The following GSE1 variants were observed in gnomAD, a reference collection of about 807,000 sequenced individuals.
GSE1 encodes the protein Gse1 coiled-coil protein.
GSE1 carries 32 observed loss-of-function variants against 112.6 expected under a neutral mutation model. The ratio of observed to expected loss-of-function variants is 0.28; its 90% CI spans 0.21 to 0.38. GSE1 has a LOEUF of 0.38. Among genes scored for constraint, GSE1 ranks in the 10% least tolerant of loss-of-function variants. The probability of loss-of-function intolerance (pLI) is 1.00; values close to 1 mark genes in which losing one functional copy is unlikely to be tolerated. For missense variants in GSE1, 2,348 were observed against 1,699.2 expected, an observed-to-expected ratio of 1.38 and a Z score of -6.71; for synonymous variants, 1,115 against 735.6, an observed-to-expected ratio of 1.52 and a Z score of -8.35.
At chr16:85,215,521 C>CA (rs1306485260) in intron 1 of GSE1, among the ~76,000 whole-genome samples, 1 of 152,028 alleles carries the variant, frequency 6.6e-6, no homozygotes, top group East Asian at 1.9e-4. Context: ...ATTCATGCAA[C>CA]AAAAAACCAT....
chr16:85,547,331 T>C (rs112854191), intron 2 of GSE1, among the ~76,000 whole-genome samples: 2 of 152,138 alleles, frequency 1.3e-5, no homozygotes, highest in African/African-American at 2.4e-5. Flanking sequence ...CTGAAATCCA[T>C]GTGTCAGCGG....
In GSE1 at chr16:85,323,408, G is replaced by A. The variant is rs141615976; in HGVS notation, c.2284-34055G>A. On this transcript the variant is annotated intron_variant, in intron 1 of 2. Transcript: ENST00000637419. ...AGCGGCACTGGCGGACCAGGCCTTG[G>A]GAGTTAGAGTCTCAGGAGGCTGCCA... 2.2e-3 allele frequency among the ~76,000 whole-genome samples: 337 copies of A among 152,244 alleles called. 1 individual carries two copies. Among genetic ancestry groups the A allele is most frequent in the African/African-American group, 7.6e-3 (315 of 41,552 alleles).
rs118174651 is a variant in GSE1, at chr16:85,220,494, C to T, written c.2283+48687C>T. Among the ~76,000 whole-genome samples the T allele has an allele frequency of 9.1e-3, 1,390 of 152,330 alleles. 10 individuals are homozygous for T. The highest frequency in any genetic ancestry group is 0.016 in the Non-Finnish European group (1,069 of 68,028). ...GGTTTGTTTAAGTTCAGCTCAGAGC[C>T]GGGCCCGCGGCCAGGAGCCTGGGGC... is the stretch of plus-strand genomic sequence containing the variant. On this transcript the variant is annotated intron_variant, in intron 1 of 2. Coordinates refer to the GSE1 transcript ENST00000637419.
intron 1 of GSE1, chr16:85,286,076 C>T (rs1209636957): frequency 6.6e-6 from 1 of 152,376 alleles, no homozygotes; most frequent in East Asian, 1.9e-4. Context: ...TGCAGCCCCT[C>T]CCCGGTCCCG....
intron 1 of GSE1, among the ~76,000 whole-genome samples, chr16:85,575,967 G>A (rs1395087455): frequency 6.7e-6 from 1 of 149,578 alleles, no homozygotes; most frequent in Non-Finnish European, 1.5e-5. Context: ...GGGAGCATTT[G>A]GTTTTGAAGG....
intron 1 of GSE1, among the ~76,000 whole-genome samples, chr16:85,249,996 C>A (rs1453533851): frequency 6.6e-6 from 1 of 152,212 alleles, no homozygotes; most frequent in Non-Finnish European, 1.5e-5. Context: ...CTCCTGCCTC[C>A]CAAGCTGTTG....
intron 1 of GSE1, among the ~76,000 whole-genome samples, chr16:85,355,883 C>T (rs947362173): frequency 6.6e-6 from 1 of 151,864 alleles, no homozygotes; most frequent in African/African-American, 2.4e-5. Context: ...CAAAATGAGC[C>T]GGGCATGGGG....
chr16:85,529,221 T>C (rs148769600), intron 2 of GSE1, among the ~76,000 whole-genome samples: 220 of 152,160 alleles, frequency 1.4e-3, no homozygotes, highest in Non-Finnish European at 2.5e-3. Context: ...CCAGGAGGTT[T>C]TCAGCAGAGA....
At chr16:85,416,919 G>A (rs561133500) in intron 2 of GSE1, among the ~76,000 whole-genome samples, 204 of 152,284 alleles carry the variant, frequency 1.3e-3, no homozygotes, top group Non-Finnish European at 2.1e-3. Context: ...GCAGTGGCAC[G>A]ATCATGGTCG....
Position 85,661,527 on chromosome 16 carries a change from C to G in GSE1, c.2022C>G (p.Phe674Leu). The G allele has an allele frequency of 1.2e-6, 2 of 1,611,720 alleles. No individual in the cohort carries two copies. Among genetic ancestry groups the G allele is most frequent in the Non-Finnish European group, 1.7e-6 (2 of 1,179,508 alleles). The change falls in exon 9 of 16, where the codon TTC becomes TTG. Residue 674 changes from phenylalanine (F) to leucine (L), a missense_variant. Transcript: ENST00000253458. ...CCTTCCTGCCCGGGCCCGGGCCCTT[C>G]CTGGCTGAGCTCGAGAAGTCCACCC... ...HQPFLPGPGP[F>L]LAELEKSTQT...
At chr16:85,286,653 G>A (rs1042956242) in intron 1 of GSE1, among the ~76,000 whole-genome samples, 5 of 152,168 alleles carry the variant, frequency 3.3e-5, no homozygotes, top group South Asian at 2.1e-4. Context: ...TTGGCGCTGC[G>A]GTTTACGCAT....
chr16:85,590,194 ATG>A (rs145034493), intron 1 of GSE1, among the ~76,000 whole-genome samples: 1,786 of 151,684 alleles, frequency 0.012, 17 homozygotes, highest in Non-Finnish European at 0.016. Flanking sequence ...CACTGAATGA[ATG>A]TGTGTGATTG....
intron 2 of GSE1, among the ~76,000 whole-genome samples, chr16:85,518,629 C>T (rs1454386487): frequency 6.6e-6 from 1 of 152,092 alleles, no homozygotes; most frequent in Admixed American, 6.5e-5. Flanking sequence ...AGCAGCGCCT[C>T]AGTGCTGCAT....
chr16:85,403,794 C>T (rs901801609), intron 2 of GSE1, among the ~76,000 whole-genome samples: 1 of 152,006 alleles, frequency 6.6e-6, no homozygotes, highest in Non-Finnish European at 1.5e-5. Context: ...AGAGTGAGAC[C>T]CTGTCTCAAA....
intron 8 of GSE1, among the ~76,000 whole-genome samples, chr16:85,659,110 G>A (rs1402880114): frequency 6.6e-6 from 1 of 152,242 alleles, no homozygotes; most frequent in Non-Finnish European, 1.5e-5. Context: ...TAAGGACACA[G>A]CTTCTTCCTG....
At chr16:85,427,498 C>T (rs1304648385) in intron 2 of GSE1, among the ~76,000 whole-genome samples, 4 of 152,116 alleles carry the variant, frequency 2.6e-5, no homozygotes, top group African/African-American at 4.8e-5. Context: ...AAAAATCAGC[C>T]GGGCATGGTG....
At chr16:85,453,202 T>A (rs2049733864) in intron 2 of GSE1, among the ~76,000 whole-genome samples, 1 of 152,076 alleles carries the variant, frequency 6.6e-6, no homozygotes, top group African/African-American at 2.4e-5. Context: ...TTGGCACGGC[T>A]GATGGGGGTG....
intron 2 of GSE1, among the ~76,000 whole-genome samples, chr16:85,387,465 C>G (rs561810153): frequency 6.6e-6 from 1 of 152,348 alleles, no homozygotes; most frequent in African/African-American, 2.4e-5. Flanking sequence ...CTGCGATGCT[C>G]TTTCCACAGA....
chr16:85,202,422 C>T (rs1179650207), intron 1 of GSE1, among the ~76,000 whole-genome samples: 11 of 152,134 alleles, frequency 7.2e-5, no homozygotes, highest in African/African-American at 1.9e-4. Flanking sequence ...TGGGAGAGAG[C>T]GGGGGTGGGG....
Sources: allele counts gnomAD v4.1 joint callset (sites outside exome capture counted in the v4.1 genomes callset), GRCh38; gene constraint gnomAD v4.1.1; transcripts MANE v1.5; gene names NCBI Gene and HGNC (gene_info 2026-07-23, HGNC 2026-07-21).